TENM2: variants seen among roughly 807,000 people sequenced by gnomAD.
The protein encoded by TENM2 is teneurin transmembrane protein 2, also known as teneurin-2.
A neutral mutation model predicts 245.2 loss-of-function variants in TENM2; 52 were observed. The observed-to-expected ratio is 0.21, with a 90% CI of 0.17 to 0.27. TENM2 has a LOEUF of 0.27. TENM2 is among the 10% of genes least tolerant of loss of function. The pLI, the probability that TENM2 is intolerant of heterozygous loss-of-function variation, is 1.00. For synonymous variants in TENM2, 1,363 were observed against 1,438.9 expected (o/e 0.95, Z 1.19); for missense variants, 3,046 against 3,666.8 (o/e 0.83, Z 4.37).
intron 2 of TENM2, among the ~76,000 whole-genome samples, chr5:167,675,629 C>G (rs550626103): frequency 3.9e-5 from 6 of 152,156 alleles, no homozygotes; most frequent in African/African-American, 1.4e-4. Flanking sequence ...TAGTCTTGCA[C>G]AGTGGATAAG....
the TENM2 span, among the ~76,000 whole-genome samples, chr5:167,153,002 A>T: frequency 6.6e-6 from 1 of 152,054 alleles, no homozygotes; most frequent in East Asian, 1.9e-4. Flanking sequence ...GTTACTGGAG[A>T]TTAGCTTGCC....
chr5:168,249,652 G>A (rs921627016), intron 27 of TENM2, among the ~76,000 whole-genome samples: 5 of 152,030 alleles, frequency 3.3e-5, no homozygotes, highest in South Asian at 2.1e-4. Context: ...TGAAAGGAGG[G>A]GCCAAGAAAG....
At chr5:167,374,897 G>A (rs759749855) in intron 1 of TENM2, among the ~76,000 whole-genome samples, 9 of 152,156 alleles carry the variant, frequency 5.9e-5, no homozygotes, top group Non-Finnish European at 8.8e-5. Context: ...ATTTTGATAC[G>A]TTCCGGGTTT....
intron 9 of TENM2, among the ~76,000 whole-genome samples, chr5:168,104,498 G>A (rs1289436766): frequency 2.0e-5 from 3 of 152,170 alleles, no homozygotes; most frequent in Non-Finnish European, 4.4e-5. Context: ...CTCCTGCCAG[G>A]GGGAGAATTT....
At chr5:167,816,600 C>T (rs536749818) in intron 2 of TENM2, among the ~76,000 whole-genome samples, 12 of 152,112 alleles carry the variant, frequency 7.9e-5, no homozygotes, top group African/African-American at 2.2e-4. Context: ...TCAATTCTGC[C>T]GCCAGTGAGA....
intron 1 of TENM2, among the ~76,000 whole-genome samples, chr5:167,332,519 G>T (rs1358762269): frequency 2.0e-5 from 3 of 152,150 alleles, no homozygotes; most frequent in Non-Finnish European, 4.4e-5. Flanking sequence ...CTTCAGTGTT[G>T]CAGGGGAAGG....
chr5:167,873,412 A>G (rs943096369), intron 2 of TENM2, among the ~76,000 whole-genome samples: 7 of 152,214 alleles, frequency 4.6e-5, no homozygotes, highest in African/African-American at 1.7e-4. Flanking sequence ...GTAAATGGTT[A>G]GAGGGTGAAC....
At chr5:167,608,124 G>A (rs762722045) in intron 2 of TENM2, among the ~76,000 whole-genome samples, 9 of 152,070 alleles carry the variant, frequency 5.9e-5, no homozygotes, top group East Asian at 1.9e-4. Context: ...ACCCAATGTC[G>A]CGCTAATGCT....
chr5:167,173,706 A>AGTGTGT, the TENM2 span, among the ~76,000 whole-genome samples: 1,595 of 144,324 alleles, frequency 0.011, 28 homozygotes, highest in African/African-American at 0.037. Flanking sequence ...AGGTGATTTG[A>AGTGTGT]GTGTGTGTGT....
At chr5:167,171,825 AG>A in the TENM2 span, among the ~76,000 whole-genome samples, 1 of 152,200 alleles carries the variant, frequency 6.6e-6, no homozygotes, top group Non-Finnish European at 1.5e-5. Flanking sequence ...AAGATTCCAC[AG>A]GGTGCGTGAA....
chr5:167,330,322 CTG>C (rs1349530769), intron 1 of TENM2, among the ~76,000 whole-genome samples: 1 of 152,072 alleles, frequency 6.6e-6, no homozygotes, highest in Non-Finnish European at 1.5e-5. Context: ...GTTGAGGAAA[CTG>C]AGATGTAGAG....
rs549123109 is a variant in TENM2, at chr5:168,256,585, C to G, written c.7433-3698C>G. ...GGATTACAGCTGCGTGCACCACGCC[C>G]GGCTATTTTTTGTGTTTTTAGTCGA... is the stretch of plus-strand genomic sequence containing the variant. On this transcript the variant is annotated intron_variant, in intron 27 of 28. Transcript: ENST00000518659. 1.9e-3 allele frequency among the ~76,000 whole-genome samples: 291 copies of G among 152,098 alleles called. 2 individuals are homozygous for G. The highest frequency in any genetic ancestry group is 6.9e-3 in the African/African-American group (287 of 41,500).
chr5:167,361,564 G>A (rs1014007520), intron 1 of TENM2, among the ~76,000 whole-genome samples: 1 of 152,168 alleles, frequency 6.6e-6, no homozygotes, highest in Non-Finnish European at 1.5e-5. Flanking sequence ...GGCAAATGAT[G>A]GCCAGAGTTA....
the TENM2 span, among the ~76,000 whole-genome samples, chr5:167,195,650 G>A: frequency 1.3e-5 from 2 of 152,024 alleles, no homozygotes; most frequent in East Asian, 3.9e-4. Context: ...ATACCAGGCT[G>A]CAGATCTATT....
the TENM2 span, among the ~76,000 whole-genome samples, chr5:167,057,167 T>C: frequency 9.9e-5 from 15 of 152,154 alleles, no homozygotes; most frequent in African/African-American, 3.4e-4. Context: ...TTTAGATCTC[T>C]AGCATTTCTT....
At chr5:167,615,381 G>T (rs551546727) in intron 2 of TENM2, among the ~76,000 whole-genome samples, 1 of 152,150 alleles carries the variant, frequency 6.6e-6, no homozygotes, top group African/African-American at 2.4e-5. Flanking sequence ...TTGGTTGGTT[G>T]TTTTTATTTC....
chr5:167,890,835 A>G (rs776641261), intron 3 of TENM2, among the ~76,000 whole-genome samples: 4 of 152,190 alleles, frequency 2.6e-5, no homozygotes, highest in Admixed American at 1.3e-4. Flanking sequence ...CATTAACAAT[A>G]ATCTCCATCT....
chr5:167,998,357 T>A (rs1017082941), intron 5 of TENM2, among the ~76,000 whole-genome samples: 1 of 152,204 alleles, frequency 6.6e-6, no homozygotes, highest in African/African-American at 2.4e-5. Context: ...TAGGTTAACA[T>A]TGGAATAGAT....
At chr5:167,435,993 TTTG>T in intron 2 of TENM2, among the ~76,000 whole-genome samples, 1 of 145,154 alleles carries the variant, frequency 6.9e-6, no homozygotes, top group African/African-American at 2.6e-5. Context: ...TTTTTTTTTT[TTTG>T]AGACAGAGTT....
Sources: allele counts gnomAD v4.1 joint callset (sites outside exome capture counted in the v4.1 genomes callset), GRCh38; gene constraint gnomAD v4.1.1; transcripts MANE v1.5; gene names NCBI Gene and HGNC (gene_info 2026-07-23, HGNC 2026-07-21).